STK32B: variants seen among roughly 807,000 people sequenced by gnomAD.
The protein encoded by STK32B is serine/threonine-protein kinase 32B.
In STK32B, 43 loss-of-function variants were observed where a neutral mutation model predicts 52.6. The ratio of observed to expected loss-of-function variants is 0.82; its 90% confidence interval spans 0.64 to 1.05. STK32B has a LOEUF of 1.05. Among genes scored for constraint, STK32B ranks in the 50% least tolerant of loss-of-function variants. STK32B has a pLI of 0.00. For missense variants in STK32B, 621 were observed against 534.6 expected (o/e 1.16, Z -1.59); for synonymous variants, 238 against 204.3 (o/e 1.17, Z -1.41).
chr4:5,113,908 G>A (rs1177266457), intron 1 of STK32B, among the ~76,000 whole-genome samples: 1 of 135,812 alleles, frequency 7.4e-6, no homozygotes, highest in Non-Finnish European at 1.6e-5. Context: ...AAGAAAGAGA[G>A]CTTATGCAGG....
At chr4:5,412,695 G>T (rs547695188) in intron 5 of STK32B, among the ~76,000 whole-genome samples, 1 of 152,138 alleles carries the variant, frequency 6.6e-6, no homozygotes, top group Non-Finnish European at 1.5e-5. Flanking sequence ...CCTCTCAGTA[G>T]CACTTGAAGG....
chr4:5,104,174 A>G (rs1462514706), intron 1 of STK32B, among the ~76,000 whole-genome samples: 2 of 152,080 alleles, frequency 1.3e-5, no homozygotes, highest in Non-Finnish European at 2.9e-5. Flanking sequence ...GGCCAGAAGG[A>G]GATAATTGAA....
At chr4:5,241,367 T>C (rs1725010001) in intron 3 of STK32B, among the ~76,000 whole-genome samples, 1 of 152,124 alleles carries the variant, frequency 6.6e-6, no homozygotes, top group South Asian at 2.1e-4. Flanking sequence ...CTTATGTAAA[T>C]TGCATAATAA....
At chr4:5,122,846 G>T (rs1010467924) in intron 1 of STK32B, among the ~76,000 whole-genome samples, 6 of 152,028 alleles carry the variant, frequency 3.9e-5, no homozygotes, top group Non-Finnish European at 8.8e-5. Context: ...TACTCTCCCT[G>T]GTTCTCTCCC....
intron 3 of STK32B, among the ~76,000 whole-genome samples, chr4:5,280,876 G>A (rs903212024): frequency 6.6e-6 from 1 of 152,102 alleles, no homozygotes; most frequent in Non-Finnish European, 1.5e-5. Flanking sequence ...TCCAGCCTGG[G>A]AGACAGAGTG....
chr4:5,238,042 C>T lies in STK32B; in HGVS notation c.260+69592C>T, dbSNP rs146031128. On this transcript the variant is annotated intron_variant, in intron 3 of 11. Coordinates refer to ENST00000282908, the MANE Select transcript of STK32B (RefSeq NM_018401.3). Reference sequence around the variant, plus strand: ...AAATATCCAGGATTGCTCTTACGCTCACATTCTATGATTGTGATTCTTTGA... The same window carrying T: ...AAATATCCAGGATTGCTCTTACGCTTACATTCTATGATTGTGATTCTTTGA... 2.9e-3 allele frequency among the ~76,000 whole-genome samples: 447 copies of T among 152,258 alleles called. 2 individuals are homozygous for T. The highest frequency in any genetic ancestry group is 5.3e-3 in the Admixed American group (81 of 15,294).
intron 11 of STK32B, among the ~76,000 whole-genome samples, chr4:5,482,286 GA>G (rs1718781021): frequency 6.6e-6 from 1 of 152,128 alleles, no homozygotes; most frequent in African/African-American, 2.4e-5. Flanking sequence ...AGTTCTTCTT[GA>G]AGAGGTTCTT....
chr4:5,369,087 C>T (rs965124147), intron 4 of STK32B, among the ~76,000 whole-genome samples: 7 of 151,894 alleles, frequency 4.6e-5, no homozygotes, highest in Admixed American at 1.3e-4. Flanking sequence ...GAGGTGTGAG[C>T]GGAAACATGG....
intron 3 of STK32B, among the ~76,000 whole-genome samples, chr4:5,196,830 G>C (rs1721716970): frequency 6.6e-6 from 1 of 152,192 alleles, no homozygotes; most frequent in Non-Finnish European, 1.5e-5. Context: ...AATTCAGCCA[G>C]GAATAAATCC....
At chr4:5,156,751 C>T (rs1327823840) in intron 2 of STK32B, among the ~76,000 whole-genome samples, 2 of 152,134 alleles carry the variant, frequency 1.3e-5, no homozygotes, top group Non-Finnish European at 2.9e-5. Flanking sequence ...AGGCAGTCTG[C>T]ACATAAAATG....
intron 4 of STK32B, among the ~76,000 whole-genome samples, chr4:5,383,241 C>T (rs115330674): frequency 1.8e-3 from 276 of 152,208 alleles, no homozygotes; most frequent in Admixed American, 2.9e-3. Flanking sequence ...CTCCCACATA[C>T]GTATTCATGC....
chr4:5,143,137 G>GTCTGTCTGTCTA (rs1553835341), intron 2 of STK32B, among the ~76,000 whole-genome samples: 2 of 150,822 alleles, frequency 1.3e-5, no homozygotes, highest in African/African-American at 2.5e-5. Context: ...CTGTCTATCT[G>GTCTGTCTGTCTA]TCTGTCTATC....
At chr4:5,318,658 A>G (rs1731278834) in intron 3 of STK32B, among the ~76,000 whole-genome samples, 1 of 152,122 alleles carries the variant, frequency 6.6e-6, no homozygotes, top group Non-Finnish European at 1.5e-5. Context: ...GAACAGCATA[A>G]GAAAAGGTAC....
chr4:5,275,802 G>T (rs899954283), intron 3 of STK32B, among the ~76,000 whole-genome samples: 1 of 152,038 alleles, frequency 6.6e-6, no homozygotes, highest in African/African-American at 2.4e-5. Context: ...TGGTGGTGCC[G>T]AGGTCACTGG....
chr4:5,357,032 CACACACACATATAT>C (rs1178299720), intron 4 of STK32B, among the ~76,000 whole-genome samples: 9 of 149,310 alleles, frequency 6.0e-5, no homozygotes, highest in South Asian at 2.1e-4. Context: ...TACACACACA[CACACACACATATAT>C]ACACACACAC....
chr4:5,029,624 C>A, the STK32B span, among the ~76,000 whole-genome samples: 2 of 152,176 alleles, frequency 1.3e-5, no homozygotes, highest in Admixed American at 1.3e-4. Flanking sequence ...GAAGCCGGTC[C>A]TCCCCGACGG....
intron 3 of STK32B, among the ~76,000 whole-genome samples, chr4:5,275,922 A>G (rs1349252210): frequency 6.6e-6 from 1 of 151,936 alleles, no homozygotes; most frequent in Admixed American, 6.6e-5. Flanking sequence ...CTGCTAGGAG[A>G]CCTACTAGTA....
chr4:5,249,135 C>T (rs577092943), intron 3 of STK32B, among the ~76,000 whole-genome samples: 7 of 152,068 alleles, frequency 4.6e-5, no homozygotes, highest in African/African-American at 1.7e-4. Context: ...TTGCAGTGTG[C>T]TAACACCATT....
intron 3 of STK32B, among the ~76,000 whole-genome samples, chr4:5,229,307 G>T (rs1724091910): frequency 6.6e-6 from 1 of 151,284 alleles, no homozygotes; most frequent in African/African-American, 2.4e-5. Context: ...ATTCTATAAT[G>T]CACTGTTTGG....
Sources: gnomAD v4.1 joint callset for allele counts (sites outside exome capture counted in the v4.1 genomes callset) on GRCh38, gnomAD v4.1.1 for gene constraint, MANE v1.5 for transcripts, NCBI Gene and HGNC (gene_info 2026-07-23, HGNC 2026-07-21) for gene names.